The following ARHGAP20 variants were observed in gnomAD, a reference collection of about 807,000 sequenced individuals.
The protein encoded by ARHGAP20 is rho GTPase-activating protein 20.
A neutral mutation model predicts 73.7 loss-of-function variants in ARHGAP20; 34 were observed. The ratio of observed to expected loss-of-function variants is 0.46; its 90% CI spans 0.35 to 0.61. The LOEUF (loss-of-function observed/expected upper bound fraction) is 0.61, where lower values mean the gene tolerates loss of function less well. Among genes scored for constraint, ARHGAP20 ranks in the 20% least tolerant of loss-of-function variants. The pLI is 0.00. For missense variants in ARHGAP20, 1,314 were observed against 1,420.9 expected (o/e 0.92, Z 1.21); for synonymous variants, 523 against 518.2 (o/e 1.01, Z -0.13).
chr11:110,670,914 G>T (rs548631841), intron 2 of ARHGAP20, among the ~76,000 whole-genome samples: 5 of 152,056 alleles, frequency 3.3e-5, no homozygotes, highest in African/African-American at 9.6e-5. Context: ...TCACAGTTTA[G>T]AAAAACTAAG....
chr11:110,706,581 T>C (rs548737791), intron 1 of ARHGAP20, among the ~76,000 whole-genome samples: 11 of 152,276 alleles, frequency 7.2e-5, no homozygotes, highest in African/African-American at 2.4e-4. Flanking sequence ...CAAACTCCTT[T>C]TGTTGCTTTA....
intron 1 of ARHGAP20, among the ~76,000 whole-genome samples, chr11:110,711,031 C>T (rs916038943): frequency 7.3e-6 from 1 of 137,912 alleles, no homozygotes; most frequent in Non-Finnish European, 1.6e-5. Flanking sequence ...GGCAAAATAT[C>T]GGAAAGTCTT....
intron 6 of ARHGAP20, among the ~76,000 whole-genome samples, chr11:110,612,721 T>G (rs1276776355): frequency 2.0e-5 from 3 of 152,218 alleles, no homozygotes; most frequent in Non-Finnish European, 2.9e-5. Context: ...TATCCTTCCA[T>G]TAACAGAATT....
intron 1 of ARHGAP20, among the ~76,000 whole-genome samples, chr11:110,710,776 T>G (rs1394118339): frequency 1.3e-5 from 2 of 152,134 alleles, no homozygotes; most frequent in East Asian, 3.9e-4. Flanking sequence ...ATTTCTATAC[T>G]CGGCACACCG....
At chr11:110,631,081 T>C (rs2134958604) in intron 2 of ARHGAP20, among the ~76,000 whole-genome samples, 1 of 152,342 alleles carries the variant, frequency 6.6e-6, no homozygotes, top group East Asian at 1.9e-4. Flanking sequence ...ATTGAATAAT[T>C]CATTTTATTT....
At position 110,577,275 on chromosome 11, in the gene ARHGAP20, G is replaced by A; in HGVS notation, c.*2095C>T. The A allele has an allele frequency of 7.2e-7, 1 of 1,390,366 alleles. No individual in the cohort carries two copies. Among genetic ancestry groups the A allele is most frequent in the African/African-American group, 1.5e-5 (1 of 68,276 alleles). The allele number at this position is 1,390,366 out of a possible 1,614,324, so 86.1% of individuals were successfully genotyped here. Reference sequence around the variant, plus strand: ...GTCTAATATATTATAGATTGATGGAGTATAATAAAATGACATATAGTCTGT... The same window carrying A: ...GTCTAATATATTATAGATTGATGGAATATAATAAAATGACATATAGTCTGT... On this transcript the variant is annotated 3_prime_UTR_variant, in exon 15 of 15. Transcript: ENST00000683387.
At chr11:110,702,895 A>T (rs963222340) in intron 1 of ARHGAP20, among the ~76,000 whole-genome samples, 42 of 152,328 alleles carry the variant, frequency 2.8e-4, no homozygotes, top group African/African-American at 1.0e-3. Context: ...GGACACAAAC[A>T]AATGGAAGAA....
At chr11:110,697,900 A>C (rs1311905653) in intron 1 of ARHGAP20, among the ~76,000 whole-genome samples, 2 of 151,756 alleles carry the variant, frequency 1.3e-5, no homozygotes, top group Admixed American at 6.6e-5. Flanking sequence ...GGCTTTGGCT[A>C]TTTGGGCTCT....
chr11:110,712,053 C>T lies in ARHGAP20; in HGVS notation c.105+74G>A, dbSNP rs930176844. 3.2e-6 allele frequency: 4 copies of T among 1,245,984 alleles called. No individual in the cohort carries two copies. In the African/African-American group the frequency reaches 4.7e-5, roughly 15 times the overall value. The allele number at this position is 1,245,984 out of a possible 1,614,324, so 77.2% of individuals were successfully genotyped here. ...GCGTCCGCCTAGCGCGCTGCTGTGGCGGGCGCGGAGGGCGCGCGCCGGCAG... is the reference window on the plus strand; with the variant it reads ...GCGTCCGCCTAGCGCGCTGCTGTGGTGGGCGCGGAGGGCGCGCGCCGGCAG... On this transcript the variant is annotated intron_variant, in intron 1 of 14. Transcript: ENST00000683387.
intron 2 of ARHGAP20, among the ~76,000 whole-genome samples, chr11:110,656,099 G>A (rs994443722): frequency 1.3e-5 from 2 of 152,124 alleles, no homozygotes; most frequent in Non-Finnish European, 2.9e-5. Context: ...TTTTCTCACT[G>A]TTGATGCTCT....
chr11:110,696,091 A>G (rs751600049), intron 1 of ARHGAP20, among the ~76,000 whole-genome samples: 4 of 151,660 alleles, frequency 2.6e-5, no homozygotes, highest in Non-Finnish European at 5.9e-5. Flanking sequence ...ATATGATTTC[A>G]TTTATATAAA....
intron 4 of ARHGAP20, among the ~76,000 whole-genome samples, chr11:110,617,291 CT>C (rs1328928938): frequency 4.1e-5 from 6 of 145,322 alleles, no homozygotes; most frequent in Admixed American, 6.9e-5. Flanking sequence ...TGGAGTTTCA[CT>C]TTTTTTTTTG....
chr11:110,657,075 G>C (rs1450753281), intron 2 of ARHGAP20, among the ~76,000 whole-genome samples: 1 of 152,166 alleles, frequency 6.6e-6, no homozygotes, highest in Non-Finnish European at 1.5e-5. Context: ...TTCAAGAGAG[G>C]TTATAATTTT....
At chr11:110,691,091 C>A (rs1476333788) in intron 1 of ARHGAP20, 2 of 1,066,970 alleles carry the variant, frequency 1.9e-6, no homozygotes, top group Admixed American at 3.0e-5. Context: ...AGCAAAAGCA[C>A]AGAGACTAGA....
chr11:110,657,920 G>GAGGAAGGAAGGAAGGA lies in ARHGAP20; in HGVS notation c.189-27144_189-27129dup, dbSNP rs3044293. On this transcript the variant is annotated intron_variant, in intron 2 of 14. Transcript: ENST00000683387. ...AAAAAAAAAGAAAGAAAAAGAGAGA[G>GAGGAAGGAAGGAAGGA]AGGAAGGAAGGAAGGAAGGAAGGAA... Among the ~76,000 whole-genome samples, 582 of 134,098 alleles carry GAGGAAGGAAGGAAGGA rather than the reference G, an allele frequency of 4.3e-3. 3 individuals are homozygous for GAGGAAGGAAGGAAGGA. The highest frequency in any genetic ancestry group is 8.6e-3 in the African/African-American group (296 of 34,470). 88.0% of individuals were successfully genotyped at this position (134,098 alleles called of 152,430 possible). A position where few individuals can be genotyped will look rare whatever the true frequency, so the allele number is the denominator to read the frequency against.
chr11:110,596,092 T>C lies in ARHGAP20; in HGVS notation c.965-3937A>G, dbSNP rs1565429009. Among the ~76,000 whole-genome samples the C allele has an allele frequency of 1.3e-5, 2 of 152,204 alleles. 1 individual carries two copies. Among genetic ancestry groups the C allele is most frequent in the South Asian group, 4.1e-4 (2 of 4,828 alleles). ...GTGCTGGGAAAACTGGCTAGCCATA[T>C]GTAGAAAGCTGAAACTGGATGCCTT... On this transcript the variant is annotated intron_variant, in intron 9 of 14. Coordinates refer to ENST00000683387, the MANE Select transcript of ARHGAP20 (RefSeq NM_001384657.1).
At chr11:110,635,790 G>GA (rs530300524) in intron 2 of ARHGAP20, among the ~76,000 whole-genome samples, 3,566 of 145,368 alleles carry the variant, frequency 0.025, 119 homozygotes, top group African/African-American at 0.076. Flanking sequence ...CACCATCACA[G>GA]AAAAAAAAAA....
chr11:110,625,032 A>AT lies in ARHGAP20; in HGVS notation c.354-722dup, dbSNP rs766777290. On this transcript the variant is annotated intron_variant, in intron 3 of 14. Transcript: ENST00000683387. Reference sequence around the variant, plus strand: ...TTATTTTTTTTTTATTTTTATTTTTATTTTTTTTTTTTTTTTGAGACGGAG... The same window carrying AT: ...TTATTTTTTTTTTATTTTTATTTTTATTTTTTTTTTTTTTTTTGAGACGGAG... 8.3e-3 allele frequency among the ~76,000 whole-genome samples: 895 copies of AT among 108,036 alleles called. 8 individuals carry two copies. Among genetic ancestry groups the AT allele is most frequent in the Non-Finnish European group, 0.011 (618 of 55,534 alleles). 70.9% of individuals were successfully genotyped at this position (108,036 alleles called of 152,430 possible).
chr11:110,657,099 C>T (rs968376036), intron 2 of ARHGAP20, among the ~76,000 whole-genome samples: 16 of 152,156 alleles, frequency 1.1e-4, no homozygotes, highest in Admixed American at 8.5e-4. Context: ...GATTATATAG[C>T]CTTTATTCAT....
Sources: allele counts gnomAD v4.1 joint callset (sites outside exome capture counted in the v4.1 genomes callset), GRCh38; gene constraint gnomAD v4.1.1; transcripts MANE v1.5; gene names NCBI Gene and HGNC (gene_info 2026-07-23, HGNC 2026-07-21).